C12orf42: variants seen among roughly 807,000 people sequenced by gnomAD.
C12orf42 encodes the protein chromosome 12 open reading frame 42, also known as uncharacterized protein C12orf42.
A neutral mutation model predicts 21.6 loss-of-function variants in C12orf42; 25 were observed. The ratio of observed to expected loss-of-function variants is 1.16; its 90% CI spans 0.84 to 1.62. The LOEUF (loss-of-function observed/expected upper bound fraction) is 1.62. Ranked by LOEUF, C12orf42 falls within the 40% of genes most tolerant of loss-of-function variation. C12orf42 has a pLI of 0.00. For missense variants in C12orf42, 483 were observed against 459.3 expected (o/e 1.05, Z -0.47); for synonymous variants, 174 against 175.0 (o/e 0.99, Z 0.05).
At chr12:103,068,204 TA>T in the C12orf42 span, among the ~76,000 whole-genome samples, 1 of 152,206 alleles carries the variant, frequency 6.6e-6, no homozygotes, top group African/African-American at 2.4e-5. Flanking sequence ...CTTCTTTTGT[TA>T]AAAACATGTT....
the C12orf42 span, among the ~76,000 whole-genome samples, chr12:103,174,156 T>C: frequency 1.3e-5 from 2 of 152,220 alleles, no homozygotes; most frequent in Admixed American, 1.3e-4. Context: ...CTGATTTCAT[T>C]ACTATAACAA....
At chr12:103,071,327 G>T in the C12orf42 span, among the ~76,000 whole-genome samples, 1 of 152,076 alleles carries the variant, frequency 6.6e-6, no homozygotes, top group African/African-American at 2.4e-5. Flanking sequence ...CCTTAAAGAT[G>T]AGAAAATAAA....
At chr12:103,509,797 C>T in the C12orf42 span, among the ~76,000 whole-genome samples, 1 of 152,142 alleles carries the variant, frequency 6.6e-6, no homozygotes, top group African/African-American at 2.4e-5. Flanking sequence ...ATCAAAACCA[C>T]AATGTGATGC....
intron 5 of C12orf42, among the ~76,000 whole-genome samples, chr12:103,303,206 G>GT (rs1311627691): frequency 1.3e-5 from 2 of 151,992 alleles, no homozygotes; most frequent in South Asian, 2.1e-4. Flanking sequence ...CAAAAGATGT[G>GT]TTTTTTTACA....
At chr12:103,115,813 G>A in the C12orf42 span, among the ~76,000 whole-genome samples, 1 of 152,120 alleles carries the variant, frequency 6.6e-6, no homozygotes, top group African/African-American at 2.4e-5. Context: ...TTCACTTATC[G>A]AAATCATGAA....
At chr12:103,226,941 A>G in the C12orf42 span, among the ~76,000 whole-genome samples, 1 of 152,200 alleles carries the variant, frequency 6.6e-6, no homozygotes, top group Non-Finnish European at 1.5e-5. Context: ...TGCCTATTTT[A>G]CAACAAGAAT....
At chr12:103,232,019 T>A in the C12orf42 span, among the ~76,000 whole-genome samples, 1 of 152,204 alleles carries the variant, frequency 6.6e-6, no homozygotes, top group Non-Finnish European at 1.5e-5. Flanking sequence ...AGGTGTGTAG[T>A]GGTATTTCAT....
At chr12:103,296,170 A>G (rs1012812188) in intron 4 of C12orf42, among the ~76,000 whole-genome samples, 38 of 151,836 alleles carry the variant, frequency 2.5e-4, no homozygotes, top group African/African-American at 8.2e-4. Context: ...AGCTTCATCC[A>G]TGTCCCTACA....
chr12:103,486,437 T>A (rs891480665), intron 1 of C12orf42, among the ~76,000 whole-genome samples: 1 of 152,126 alleles, frequency 6.6e-6, no homozygotes, highest in Non-Finnish European at 1.5e-5. Context: ...AAATTCTCTT[T>A]TTTTTTTGTT....
chr12:103,379,948 G>A (rs2046024115), intron 3 of C12orf42, among the ~76,000 whole-genome samples: 1 of 152,184 alleles, frequency 6.6e-6, no homozygotes, highest in African/African-American at 2.4e-5. Context: ...CAGAAGCCAA[G>A]CGATAATGCA....
chr12:103,267,418 G>A (rs2035223943), downstream of C12orf42, among the ~76,000 whole-genome samples: 1 of 151,868 alleles, frequency 6.6e-6, no homozygotes, highest in Non-Finnish European at 1.5e-5. Flanking sequence ...GAGAAAAACA[G>A]ACAATTGTAA....
intron 4 of C12orf42, among the ~76,000 whole-genome samples, chr12:103,307,452 T>A (rs2038479540): frequency 6.6e-6 from 1 of 152,168 alleles, no homozygotes; most frequent in African/African-American, 2.4e-5. Flanking sequence ...CAGCCTACTG[T>A]GTCAACTCAA....
chr12:103,458,278 TAC>T (rs1439668449), intron 2 of C12orf42, among the ~76,000 whole-genome samples: 1 of 152,050 alleles, frequency 6.6e-6, no homozygotes, highest in East Asian at 1.9e-4. Context: ...AAGGAGAACT[TAC>T]CCTCTCCACA....
intron 2 of C12orf42, among the ~76,000 whole-genome samples, chr12:103,455,413 G>C (rs1301991658): frequency 6.6e-6 from 1 of 152,106 alleles, no homozygotes; most frequent in Non-Finnish European, 1.5e-5. Flanking sequence ...CACTCTCCAA[G>C]TTTTAATGGG....
the C12orf42 span, among the ~76,000 whole-genome samples, chr12:103,541,696 G>T: frequency 3.3e-5 from 5 of 152,174 alleles, no homozygotes; most frequent in Middle Eastern, 3.4e-3. Context: ...TATTCTGGCA[G>T]CAGCTTCGTA....
the C12orf42 span, among the ~76,000 whole-genome samples, chr12:103,510,380 G>C: frequency 6.6e-6 from 1 of 152,074 alleles, no homozygotes; most frequent in Non-Finnish European, 1.5e-5. Flanking sequence ...AGGAGTGAGG[G>C]ATAAAAGACT....
At chr12:103,530,457 C>G in the C12orf42 span, among the ~76,000 whole-genome samples, 1 of 152,180 alleles carries the variant, frequency 6.6e-6, no homozygotes, top group Admixed American at 6.5e-5. Flanking sequence ...TTAACTAGCA[C>G]AAACAGCCAT....
At chr12:103,392,054 T>G (rs1032657679) in intron 3 of C12orf42, among the ~76,000 whole-genome samples, 1 of 152,206 alleles carries the variant, frequency 6.6e-6, no homozygotes, top group Non-Finnish European at 1.5e-5. Context: ...GAATATCTAG[T>G]TTTCCCACAA....
intron 3 of C12orf42, among the ~76,000 whole-genome samples, chr12:103,372,779 G>A (rs947855552): frequency 3.3e-5 from 5 of 152,094 alleles, no homozygotes; most frequent in Non-Finnish European, 5.9e-5. Context: ...AGTGAGTCTC[G>A]TCTTCTTCAT....
Sources: gnomAD v4.1 joint callset for allele counts (sites outside exome capture counted in the v4.1 genomes callset) on GRCh38, gnomAD v4.1.1 for gene constraint, MANE v1.5 for transcripts, NCBI Gene and HGNC (gene_info 2026-07-23, HGNC 2026-07-21) for gene names.